SLC4A10: variants seen among roughly 807,000 people sequenced by gnomAD.
SLC4A10 encodes the protein solute carrier family 4 member 10.
In SLC4A10, 42 loss-of-function variants were observed where a neutral mutation model predicts 137.7. That is an observed-to-expected ratio of 0.30 (90% CI 0.24 to 0.39). The LOEUF is 0.39. SLC4A10 is among the 10% of genes least tolerant of loss of function. SLC4A10 has a pLI of 1.00. For missense variants in SLC4A10, 925 were observed against 1,355.0 expected, an observed-to-expected ratio of 0.68 and a Z score of 4.98; for synonymous variants, 474 against 464.1, an observed-to-expected ratio of 1.02 and a Z score of -0.27.
At chr2:161,665,273 A>G (rs902497871) in intron 1 of SLC4A10, among the ~76,000 whole-genome samples, 10 of 151,814 alleles carry the variant, frequency 6.6e-5, no homozygotes, top group African/African-American at 2.2e-4. Flanking sequence ...TCAAGATCAT[A>G]TATCTGAGAG....
chr2:161,876,596 A>G (rs1175500074), intron 8 of SLC4A10, among the ~76,000 whole-genome samples: 1 of 152,110 alleles, frequency 6.6e-6, no homozygotes, highest in Non-Finnish European at 1.5e-5. Context: ...AAGGATCAGG[A>G]TGGCTTGAGC....
Position 161,872,273 on chromosome 2 carries a change from G to T in SLC4A10, c.767-20G>T. 2.5e-6 allele frequency: 4 copies of T among 1,590,696 alleles called. No individual in the cohort carries two copies. The highest frequency in any genetic ancestry group is 3.5e-6 in the Non-Finnish European group (4 of 1,159,350). ...CTATGTAAGTAATTGTTTGTATTCT[G>T]TCACAACAATCTCTTTTAGCAGGTC... On this transcript the variant is annotated intron_variant, in intron 6 of 26. Transcript: ENST00000446997.
At chr2:161,917,273 C>T (rs537889272) in intron 15 of SLC4A10, among the ~76,000 whole-genome samples, 49 of 152,264 alleles carry the variant, frequency 3.2e-4, no homozygotes, top group East Asian at 9.6e-4. Context: ...CACAAATGAA[C>T]GGACATCTGG....
intron 14 of SLC4A10, 23 bp from the exon 15 acceptor site, chr2:161,905,619 T>C: frequency 6.4e-7 from 1 of 1,567,176 alleles, no homozygotes; most frequent in African/African-American, 1.4e-5. Context: ...CTTTTCACTG[T>C]TCTTTCCTTT....
chr2:161,670,981 C>T (rs746323347), intron 1 of SLC4A10, among the ~76,000 whole-genome samples: 38 of 152,206 alleles, frequency 2.5e-4, no homozygotes, highest in Non-Finnish European at 1.6e-4. Context: ...TTTAATATTT[C>T]TTCGTATCTT....
intron 15 of SLC4A10, among the ~76,000 whole-genome samples, chr2:161,923,852 C>A (rs997379614): frequency 6.6e-6 from 1 of 151,876 alleles, no homozygotes; most frequent in Non-Finnish European, 1.5e-5. Context: ...AAAATAACCC[C>A]ATGAGGTTGA....
At chr2:161,958,674 A>G in intron 21 of SLC4A10, 119 bp downstream of exon 21, 2 of 606,424 alleles carry the variant, frequency 3.3e-6, no homozygotes, top group Non-Finnish European at 5.5e-6. Context: ...GACCACAATT[A>G]AATTTCTTCA....
At chr2:161,817,525 T>G (rs911772270) in intron 3 of SLC4A10, among the ~76,000 whole-genome samples, 117 of 152,282 alleles carry the variant, frequency 7.7e-4, no homozygotes, top group African/African-American at 2.5e-3. Context: ...TTGCCATTGC[T>G]TTTGGTGTTT....
chr2:161,781,034 C>A, intron 2 of SLC4A10, among the ~76,000 whole-genome samples: 1 of 152,054 alleles, frequency 6.6e-6, no homozygotes, highest in East Asian at 1.9e-4. Context: ...GCCCCACTCT[C>A]CACCAGTGTG....
At chr2:161,630,181 C>T (rs549731175) in intron 1 of SLC4A10, among the ~76,000 whole-genome samples, 1 of 151,966 alleles carries the variant, frequency 6.6e-6, no homozygotes, top group South Asian at 2.1e-4. Context: ...GCTCCACACA[C>T]TTACCAGCAT....
chr2:161,912,604 T>A (rs1469152228), intron 15 of SLC4A10, among the ~76,000 whole-genome samples: 1 of 152,110 alleles, frequency 6.6e-6, no homozygotes, highest in Non-Finnish European at 1.5e-5. Flanking sequence ...GAGTCCTAGC[T>A]CTAGGAGTGG....
intron 4 of SLC4A10, among the ~76,000 whole-genome samples, chr2:161,852,106 A>T (rs547104224): frequency 1.3e-5 from 2 of 152,242 alleles, no homozygotes; most frequent in East Asian, 3.9e-4. Context: ...CCATCGCCTC[A>T]CTGTTACAAC....
chr2:161,667,076 G>A (rs185780493), intron 1 of SLC4A10, among the ~76,000 whole-genome samples: 20 of 151,704 alleles, frequency 1.3e-4, no homozygotes, highest in Admixed American at 3.9e-4. Context: ...AATAAATGTA[G>A]ACGTGTAGTT....
At position 161,710,364 on chromosome 2, in the gene SLC4A10, A is replaced by C. The variant is rs142447044; in HGVS notation, c.49-60609A>C. The stretch of plus-strand genomic sequence containing the variant: ...GGTATTGGTTTCACAGCATTCTGCT[A>C]TTTTTCACTGTATTCCTGACCTTTC... On this transcript the variant is annotated intron_variant, in intron 1 of 26. Coordinates refer to ENST00000446997, the MANE Select transcript of SLC4A10 (RefSeq NM_001178015.2). Among the ~76,000 whole-genome samples the C allele has an allele frequency of 1.1e-4, 16 of 151,786 alleles. No individual in the cohort carries two copies. The South Asian group carries it at 1.2e-3, about 12-fold the overall frequency.
At chr2:161,709,266 T>C (rs963964012) in intron 1 of SLC4A10, among the ~76,000 whole-genome samples, 4 of 151,680 alleles carry the variant, frequency 2.6e-5, no homozygotes, top group African/African-American at 9.7e-5. Flanking sequence ...CAAATATTTT[T>C]ATTATTTGGA....
intron 3 of SLC4A10, among the ~76,000 whole-genome samples, chr2:161,823,750 A>G (rs760981598): frequency 6.6e-6 from 1 of 152,240 alleles, no homozygotes; most frequent in Non-Finnish European, 1.5e-5. Flanking sequence ...TGATTTTTGT[A>G]AGAGAAAGGA....
chr2:161,984,554 C>A lies in SLC4A10; in HGVS notation c.*1402C>A, dbSNP rs1276226853. ...TTAATTATGTACTCTGTTGGAAGTG[C>A]ACATGAAAAGTGAAGAAAAGTTCCT... On this transcript the variant is annotated 3_prime_UTR_variant, in exon 27 of 27. Transcript: ENST00000446997. 6.6e-6 allele frequency: 1 copy of A among 152,012 alleles called. No individual in the cohort carries two copies. The highest frequency in any genetic ancestry group is 1.5e-5 in the Non-Finnish European group (1 of 67,970). 9.4% of individuals were successfully genotyped at this position (152,012 alleles called of 1,614,324 possible).
At chr2:161,737,723 T>C (rs898798269) in intron 1 of SLC4A10, among the ~76,000 whole-genome samples, 3 of 152,166 alleles carry the variant, frequency 2.0e-5, no homozygotes, top group Non-Finnish European at 4.4e-5. Flanking sequence ...ATTTGCTGCT[T>C]TTGAGGCCTA....
At chr2:161,933,032 A>T (rs1690703029) in intron 15 of SLC4A10, among the ~76,000 whole-genome samples, 1 of 152,116 alleles carries the variant, frequency 6.6e-6, no homozygotes. Flanking sequence ...ATTCATCCAA[A>T]TTGTCAAAAT....
Sources: allele counts gnomAD v4.1 joint callset (sites outside exome capture counted in the v4.1 genomes callset), GRCh38; gene constraint gnomAD v4.1.1; transcripts MANE v1.5; gene names NCBI Gene and HGNC (gene_info 2026-07-23, HGNC 2026-07-21).